XYLB: variants seen among roughly 807,000 people sequenced by gnomAD.
The protein encoded by XYLB is xylulokinase.
In XYLB, 62 loss-of-function variants were observed where a neutral mutation model predicts 78.7. The observed-to-expected ratio is 0.79, with a 90% CI of 0.64 to 0.97. The LOEUF (loss-of-function observed/expected upper bound fraction) is 0.97. XYLB is among the 50% of genes least tolerant of loss of function. XYLB has a pLI of 0.00. For synonymous variants in XYLB, 245 were observed against 247.4 expected (o/e 0.99, Z 0.09); for missense variants, 687 against 676.8 (o/e 1.02, Z -0.17).
At chr3:38,445,357 G>T in the XYLB span, among the ~76,000 whole-genome samples, 1 of 152,092 alleles carries the variant, frequency 6.6e-6, no homozygotes, top group Non-Finnish European at 1.5e-5. Context: ...GGTGAGCCTG[G>T]GTGCCTAAAG....
intron 15 of XYLB, among the ~76,000 whole-genome samples, chr3:38,393,512 T>A (rs1464262607): frequency 6.6e-6 from 1 of 152,214 alleles, no homozygotes; most frequent in Non-Finnish European, 1.5e-5. Context: ...TGTTGTATTA[T>A]TGTGGCTTTG....
chr3:38,394,721 G>A (rs1707797529), intron 15 of XYLB, among the ~76,000 whole-genome samples: 1 of 152,184 alleles, frequency 6.6e-6, no homozygotes, highest in Non-Finnish European at 1.5e-5. Context: ...TTTCAGCATG[G>A]TTGGGTGATT....
At chr3:38,393,439 C>G (rs1240100204) in intron 15 of XYLB, among the ~76,000 whole-genome samples, 1 of 152,208 alleles carries the variant, frequency 6.6e-6, no homozygotes, top group Non-Finnish European at 1.5e-5. Context: ...AACCATGGCA[C>G]CTGACCTGCA....
At chr3:38,440,459 T>C in the XYLB span, among the ~76,000 whole-genome samples, 1 of 152,230 alleles carries the variant, frequency 6.6e-6, no homozygotes, top group African/African-American at 2.4e-5. Context: ...TATCACTTAC[T>C]GAATACCCAT....
chr3:38,385,188 C>T (rs71323661), intron 15 of XYLB, among the ~76,000 whole-genome samples: 4,292 of 152,014 alleles, frequency 0.028, 94 homozygotes, highest in Admixed American at 0.044. Context: ...TTTGTAGAGA[C>T]GGGGTTTCGC....
chr3:38,372,678 C>G lies in XYLB; in HGVS notation c.789C>G (p.Val263=). Residue 263 remains valine, a synonymous_variant, in exon 10 of 19, where the codon GTC becomes GTG. Coordinates refer to ENST00000207870, the MANE Select transcript of XYLB (RefSeq NM_005108.4). ...AGGGAGCCATTTCTTCCTACTACGT[C>G]CAGCGCTACGGATTTCCTCCAGGAT... is the stretch of plus-strand genomic sequence containing the variant. ...SVVGAISSYY[V]QRYGFPPGCK... is the part of the protein sequence containing the mutation. The G allele has an allele frequency of 6.2e-7, 1 of 1,614,166 alleles. No homozygotes were observed. Among genetic ancestry groups the G allele is most frequent in the Non-Finnish European group, 8.5e-7 (1 of 1,180,030 alleles).
At position 38,413,838 on chromosome 3, in the gene XYLB, C is replaced by A. The variant is rs182646815; in HGVS notation, c.*825C>A. 4 of 152,342 alleles carry A rather than the reference C, an allele frequency of 2.6e-5. No individual in the cohort carries two copies. Among genetic ancestry groups the A allele is most frequent in the Non-Finnish European group, 4.4e-5 (3 of 68,028 alleles). The allele number at this position is 152,342 out of a possible 1,614,324, so 9.4% of individuals were successfully genotyped here. A position where few individuals can be genotyped will look rare whatever the true frequency, so the allele number is the denominator to read the frequency against. On this transcript the variant is annotated 3_prime_UTR_variant, in exon 19 of 19. Coordinates refer to ENST00000207870, the MANE Select transcript of XYLB (RefSeq NM_005108.4). Reference sequence around the variant, plus strand: ...CCTTTTTCTCCCTCATTCCCTCTCTCTTCTTGCAGTCCACTTGCTGAAGAA... The same window carrying A: ...CCTTTTTCTCCCTCATTCCCTCTCTATTCTTGCAGTCCACTTGCTGAAGAA...
intron 5 of XYLB, 83 bp from the exon 6 acceptor site, chr3:38,365,525 T>G: frequency 6.5e-7 from 1 of 1,538,786 alleles, no homozygotes; most frequent in Non-Finnish European, 8.8e-7. Flanking sequence ...ACTGCCGTGA[T>G]GGGCAGTGTG....
chr3:38,386,633 C>T (rs1041320640), intron 15 of XYLB, among the ~76,000 whole-genome samples: 3 of 151,902 alleles, frequency 2.0e-5, no homozygotes, highest in Non-Finnish European at 2.9e-5. Context: ...TTAAGGTATA[C>T]ACTTTTTAAT....
chr3:38,437,726 T>C, the XYLB span, among the ~76,000 whole-genome samples: 1 of 151,852 alleles, frequency 6.6e-6, no homozygotes, highest in Non-Finnish European at 1.5e-5. Context: ...GTAGGATCAC[T>C]TAAGGCCAGG....
the XYLB span, among the ~76,000 whole-genome samples, chr3:38,445,409 A>G: frequency 6.6e-6 from 1 of 152,178 alleles, no homozygotes; most frequent in Non-Finnish European, 1.5e-5. Context: ...CATCATTCTT[A>G]TAGGAGAAAC....
At position 38,400,913 on chromosome 3, in the gene XYLB, G is replaced by A; in HGVS notation, c.1461G>A (p.Val487=). 6.2e-7 allele frequency: 1 copy of A among 1,614,124 alleles called. No homozygotes were observed. Among genetic ancestry groups the A allele is most frequent in the Non-Finnish European group, 8.5e-7 (1 of 1,180,012 alleles). The change falls in exon 18 of 19, where the codon GTG becomes GTA. Residue 487 remains valine (V), a synonymous_variant. Transcript: ENST00000207870. The part of the protein sequence containing the change: ...AFHGLAGGTD[V]PFSEVVKLAP... ...TAGGTCTTGCAGGTGGAACAGATGT[G>A]CCCTTTTCAGAGGTTGTGAAGTTAG... is the stretch of plus-strand genomic sequence containing the variant.
rs190635272 is a variant in XYLB, at chr3:38,395,550, G to C, written c.1337G>C (p.Arg446Thr). The C allele has an allele frequency of 6.2e-7, 1 of 1,614,202 alleles. No homozygotes were observed. Among genetic ancestry groups the C allele is most frequent in the Admixed American group, 1.7e-5 (1 of 60,028 alleles). ...ILATGGASHNREILQVLADVF... is the reference protein window; with the variant it reads ...ILATGGASHNTEILQVLADVF... ...GCCACAGGAGGAGCATCTCACAATAGAGAAATCTTACAGGTAAGCGTTAGT... is the reference window on the plus strand; with the variant it reads ...GCCACAGGAGGAGCATCTCACAATACAGAAATCTTACAGGTAAGCGTTAGT... The change falls in exon 16 of 19, where the codon AGA (arginine) becomes ACA (threonine). Residue 446 changes from arginine to threonine, a missense_variant. Physicochemically the swap from Arg to Thr is moderately conservative, Grantham distance 71 (BLOSUM62 -1). Transcript: ENST00000207870.
the XYLB span, among the ~76,000 whole-genome samples, chr3:38,449,755 A>G: frequency 5.9e-5 from 9 of 152,352 alleles, no homozygotes; most frequent in Non-Finnish European, 1.0e-4. Flanking sequence ...TACAATGAGT[A>G]GAGCTTGTTT....
chr3:38,385,378 AT>A (rs1707338789), intron 15 of XYLB, among the ~76,000 whole-genome samples: 2 of 151,916 alleles, frequency 1.3e-5, no homozygotes, highest in Admixed American at 6.6e-5. Flanking sequence ...AAAGGTTGGT[AT>A]ATTTTATTAA....
At chr3:38,451,705 T>G in the XYLB span, 1 of 152,376 alleles carries the variant, frequency 6.6e-6, no homozygotes, top group East Asian at 1.9e-4. Flanking sequence ...AGGTTCTGAT[T>G]TGAGCAATGG....
intron 15 of XYLB, among the ~76,000 whole-genome samples, chr3:38,385,636 G>C (rs749645423): frequency 6.6e-6 from 1 of 152,154 alleles, no homozygotes; most frequent in Non-Finnish European, 1.5e-5. Context: ...CTGCATCAGT[G>C]AGTGGTCCTT....
chr3:38,439,394 A>G, the XYLB span, among the ~76,000 whole-genome samples: 5 of 152,226 alleles, frequency 3.3e-5, no homozygotes, highest in South Asian at 8.3e-4. Flanking sequence ...CCCAAAGGCA[A>G]GTAATAGCAA....
Position 38,360,336 on chromosome 3 carries a change from C to T in XYLB, c.141-3C>T. The stretch of plus-strand genomic sequence containing the variant: ...TGGTCTACATTCTCTGTTGTTCTTG[C>T]AGGACTCAGGGTGGTGTTCATGTGC... On this transcript the variant is annotated splice_polypyrimidine_tract_variant and splice_region_variant and intron_variant, in intron 2 of 18. Transcript: ENST00000207870. 3.1e-6 allele frequency: 5 copies of T among 1,613,870 alleles called. No individual in the cohort carries two copies. The highest frequency in any genetic ancestry group is 4.2e-6 in the Non-Finnish European group (5 of 1,179,806).
Sources: gnomAD v4.1 joint callset for allele counts (sites outside exome capture counted in the v4.1 genomes callset) on GRCh38, gnomAD v4.1.1 for gene constraint, MANE v1.5 for transcripts, NCBI Gene and HGNC (gene_info 2026-07-23, HGNC 2026-07-21) for gene names.